The following FAM240C variants were observed in gnomAD, a reference collection of about 807,000 sequenced individuals.
FAM240C encodes family with sequence similarity 240 member C, also known as protein FAM240C.
A neutral mutation model predicts 10.0 loss-of-function variants in FAM240C; 14 were observed. That is an observed-to-expected ratio of 1.40 (90% CI 0.92 to 2.19). The LOEUF (loss-of-function observed/expected upper bound fraction) is 2.19. Ranked by LOEUF, FAM240C falls within the 30% of genes most tolerant of loss-of-function variation. The probability of loss-of-function intolerance (pLI) is 0.00; values close to 1 mark genes in which losing one functional copy is unlikely to be tolerated. For synonymous variants in FAM240C, 49 were observed against 44.3 expected, an observed-to-expected ratio of 1.11 and a Z score of -0.42; for missense variants, 154 against 122.3, an observed-to-expected ratio of 1.26 and a Z score of -1.22.
rs760231584 is a variant in FAM240C, at chr2:241,897,248, G to A, written c.99C>T (p.Ile33=). Residue 33 remains isoleucine, a synonymous_variant, in exon 2 of 3, where the codon ATC becomes ATT. Transcript: ENST00000404031. ...GGIKMFWEKK[I]EHHARHLQNE... is the part of the protein sequence containing the mutation. Reference sequence around the variant, plus strand: ...TCTGCAGGTGTCTTGCGTGATGCTCGATTTTTTTCTCCCAAAACATCTTTA... The same window carrying A: ...TCTGCAGGTGTCTTGCGTGATGCTCAATTTTTTTCTCCCAAAACATCTTTA... 1 of 1,549,924 alleles carries A rather than the reference G, an allele frequency of 6.5e-7. No individual in the cohort carries two copies. The highest frequency in any genetic ancestry group is 1.2e-5 in the South Asian group (1 of 84,064).
At chr2:241,896,986 C>G (rs888795370) in intron 2 of FAM240C, among the ~76,000 whole-genome samples, 200 bp downstream of exon 2, 1 of 151,838 alleles carries the variant, frequency 6.6e-6, no homozygotes, top group Non-Finnish European at 1.5e-5. Flanking sequence ...CCTACTGTTC[C>G]AAGCGTGATC....
intron 2 of FAM240C, among the ~76,000 whole-genome samples, chr2:241,896,751 G>T (rs200633856): frequency 4.5e-5 from 2 of 44,484 alleles, no homozygotes; most frequent in Admixed American, 2.7e-4. Flanking sequence ...AAGGGGTGTG[G>T]GTGTTGGGGT....
chr2:241,896,770 TGGGGTGTGGGTGAAG>T (rs1559468565), intron 2 of FAM240C, among the ~76,000 whole-genome samples: 7 of 18,940 alleles, frequency 3.7e-4, no homozygotes, highest in Middle Eastern at 0.033. Flanking sequence ...GTGTGGGTGT[TGGGGTGTGGGTGAAG>T]GGGGTGTGGG....
intron 1 of FAM240C, chr2:241,899,003 C>T (rs970412335): frequency 1.3e-5 from 10 of 754,152 alleles, no homozygotes; most frequent in African/African-American, 7.3e-5. Flanking sequence ...TCTCTTTCCC[C>T]GCCCCCCACT....
chr2:241,897,156 G>T (rs1265993879), intron 2 of FAM240C, 30 bp downstream of exon 2: 1 of 1,546,484 alleles, frequency 6.5e-7, no homozygotes, highest in Non-Finnish European at 8.7e-7. Flanking sequence ...AGGCATAGGG[G>T]TCCCCGATGC....
chr2:241,899,161 G>C (rs6758841), intron 1 of FAM240C: 24 of 1,304,132 alleles, frequency 1.8e-5, no homozygotes, highest in African/African-American at 1.7e-4. Context: ...GCTCGGCTCA[G>C]GTTGCAATGA....
At position 241,897,248 on chromosome 2, in the gene FAM240C, G is replaced by C. The variant is rs760231584; in HGVS notation, c.99C>G (p.Ile33Met). The C allele has an allele frequency of 1.9e-6, 3 of 1,549,808 alleles. No individual in the cohort carries two copies. The highest frequency in any genetic ancestry group is 2.6e-6 in the Non-Finnish European group (3 of 1,146,542). The change falls in exon 2 of 3, where the codon ATC (isoleucine) becomes ATG (methionine). Residue 33 changes from isoleucine to methionine, a missense_variant. Coordinates refer to ENST00000404031, the MANE Select transcript of FAM240C (RefSeq NM_001382368.1). Reference sequence around the variant, plus strand: ...TCTGCAGGTGTCTTGCGTGATGCTCGATTTTTTTCTCCCAAAACATCTTTA... The same window carrying C: ...TCTGCAGGTGTCTTGCGTGATGCTCCATTTTTTTCTCCCAAAACATCTTTA... ...GGIKMFWEKK[I>M]EHHARHLQNE...
chr2:241,897,341 A>T lies in FAM240C; in HGVS notation c.13-7T>A, dbSNP rs1220690213. The T allele has an allele frequency of 6.5e-7, 1 of 1,549,112 alleles. No homozygotes were observed. Among genetic ancestry groups the T allele is most frequent in the East Asian group, 2.4e-5 (1 of 40,902 alleles). ...TGAGGCTTTTACTCATGTTCTGGAA[A>T]ATAAAAAGTGGAGAAGAGCTCAGTC... is the stretch of plus-strand genomic sequence containing the variant. On this transcript the variant is annotated splice_polypyrimidine_tract_variant and splice_region_variant and intron_variant, in intron 1 of 2. Transcript: ENST00000404031.
At chr2:241,897,037 A>T (rs1435671792) in intron 2 of FAM240C, 149 bp downstream of exon 2, 1 of 798,062 alleles carries the variant, frequency 1.3e-6, no homozygotes, top group Non-Finnish European at 1.9e-6. Context: ...TCCTGGGTTG[A>T]CTCCTTTCAC....
chr2:241,900,936 C>T (rs1226813816), upstream of FAM240C, among the ~76,000 whole-genome samples: 1 of 152,152 alleles, frequency 6.6e-6, no homozygotes, highest in African/African-American at 2.4e-5. The surrounding 1 kb of genome is among the most constrained non-coding windows in gnomAD (Gnocchi z 4.5). Flanking sequence ...GTCTCGGGAT[C>T]TGCCATCTGG....
chr2:241,899,939 C>T (rs80145046), intron 1 of FAM240C, among the ~76,000 whole-genome samples: 12,138 of 152,018 alleles, frequency 0.08, 549 homozygotes, highest in East Asian at 0.13. Context: ...TCGTGGTGGG[C>T]GCCTGTAGTC....
At chr2:241,895,375 C>T (rs1183220709) in intron 2 of FAM240C, among the ~76,000 whole-genome samples, 1 of 152,250 alleles carries the variant, frequency 6.6e-6, no homozygotes, top group African/African-American at 2.4e-5. Context: ...GCTGCCAGGA[C>T]AGCCAGCCCC....
chr2:241,895,645 T>C (rs1392568323), intron 2 of FAM240C, among the ~76,000 whole-genome samples: 1 of 152,174 alleles, frequency 6.6e-6, no homozygotes, highest in Non-Finnish European at 1.5e-5. Context: ...CCTCGTGGCC[T>C]GGGGAGAACC....
Position 241,897,139 on chromosome 2 carries a change from G to A in FAM240C, c.161+47C>T, listed in dbSNP as rs576866037. On this transcript the variant is annotated intron_variant, in intron 2 of 2. Transcript: ENST00000404031. ...GGGGCTGTGCCCCTGGGTGGCGAGC[G>A]TGGCTCAGGCATAGGGGTCCCCGAT... is the stretch of plus-strand genomic sequence containing the variant. 2.2e-4 allele frequency: 339 copies of A among 1,538,738 alleles called. 1 individual carries two copies. Among genetic ancestry groups the A allele is most frequent in the Middle Eastern group, 9.0e-4 (5 of 5,544 alleles).
chr2:241,896,501 AAGGGG>A (rs772885650), intron 2 of FAM240C, among the ~76,000 whole-genome samples: 190 of 10,364 alleles, frequency 0.018, 4 homozygotes, highest in Non-Finnish European at 0.046. Flanking sequence ...GGTGTGGGTG[AAGGGG>A]GTGTGGGTGT....
rs78389167 is a variant in FAM240C, at chr2:241,899,324, C to T, written c.12+1034G>A. 13,284 of 985,384 alleles carry T rather than the reference C, an allele frequency of 0.013. 1,105 individuals are homozygous for T. The African/African-American group carries it at 0.19, about 14-fold the overall frequency. 61.0% of individuals were successfully genotyped at this position (985,384 alleles called of 1,614,324 possible). On this transcript the variant is annotated intron_variant, in intron 1 of 2. Transcript: ENST00000404031. ...GCTGCCCCTGGAGGGCCACAGAAAT[C>T]GCCCATCGATGCCACGCCCTTTGTT...
chr2:241,895,964 G>GC (rs5839831), intron 2 of FAM240C, among the ~76,000 whole-genome samples: 4 of 21,842 alleles, frequency 1.8e-4, no homozygotes, highest in Non-Finnish European at 3.6e-4. Flanking sequence ...ACTCGGTGGT[G>GC]GGGGGGGGCC....
upstream of FAM240C, among the ~76,000 whole-genome samples, chr2:241,900,810 G>A (rs1220581055): frequency 2.0e-5 from 3 of 152,082 alleles, no homozygotes; most frequent in Non-Finnish European, 4.4e-5. The surrounding 1 kb of genome is among the most constrained non-coding windows in gnomAD (Gnocchi z 4.5). Context: ...ACAAAACGAC[G>A]ATGCAGACAC....
chr2:241,894,139 C>T lies in FAM240C; in HGVS notation c.*74G>A, dbSNP rs1701729015. ...GATCCTGTGAACTCTGGCGTGGATG[C>T]TTGGACCCCACGCGTGGTGTTCCTT... is the stretch of plus-strand genomic sequence containing the variant. On this transcript the variant is annotated 3_prime_UTR_variant, in exon 3 of 3. Transcript: ENST00000404031. 18 of 1,484,384 alleles carry T rather than the reference C, an allele frequency of 1.2e-5. No homozygotes were observed. The Admixed American group carries it at 3.8e-4, about 32-fold the overall frequency. The allele number at this position is 1,484,384 out of a possible 1,614,324, so 92.0% of individuals were successfully genotyped here. A position where few individuals can be genotyped will look rare whatever the true frequency, so the allele number is the denominator to read the frequency against.
Sources: allele counts gnomAD v4.1 joint callset (sites outside exome capture counted in the v4.1 genomes callset), GRCh38; gene constraint gnomAD v4.1.1; non-coding constraint Gnocchi (gnomAD v3.1); transcripts MANE v1.5; gene names NCBI Gene and HGNC (gene_info 2026-07-23, HGNC 2026-07-21).